The following LRMDA variants were observed in gnomAD, a reference collection of about 807,000 sequenced individuals.
LRMDA encodes the protein leucine-rich melanocyte differentiation-associated protein.
LRMDA carries 18 observed loss-of-function variants against 29.8 expected under a neutral mutation model. The ratio of observed to expected loss-of-function variants is 0.60; its 90% CI spans 0.42 to 0.90. LRMDA has a LOEUF of 0.90. Ranked by LOEUF, LRMDA falls within the 40% of genes least tolerant of loss-of-function variation. LRMDA has a pLI of 0.00. For synonymous variants in LRMDA, 125 were observed against 109.4 expected (o/e 1.14, Z -0.89); for missense variants, 273 against 273.9 (o/e 1.00, Z 0.02).
At chr10:75,577,542 G>A (rs900364894) in intron 2 of LRMDA, among the ~76,000 whole-genome samples, 2 of 152,188 alleles carry the variant, frequency 1.3e-5, no homozygotes, top group South Asian at 4.2e-4. Flanking sequence ...AGAGAACACC[G>A]TGAAGATACT....
chr10:76,027,961 AATGTTATTGTAAATGCT>A (rs1305445649), intron 2 of LRMDA, among the ~76,000 whole-genome samples: 1 of 152,182 alleles, frequency 6.6e-6, no homozygotes, highest in African/African-American at 2.4e-5. Flanking sequence ...GCTTGTTTGC[AATGTTATTGTAAATGCT>A]ATAGTGAACA....
chr10:75,545,118 T>C (rs1840062872), intron 2 of LRMDA, among the ~76,000 whole-genome samples: 1 of 152,190 alleles, frequency 6.6e-6, no homozygotes, highest in Non-Finnish European at 1.5e-5. Context: ...GGGTGGTTGC[T>C]GCTGGTATGT....
intron 2 of LRMDA, among the ~76,000 whole-genome samples, chr10:75,723,859 T>C (rs1842599220): frequency 6.6e-6 from 1 of 152,350 alleles, no homozygotes; most frequent in African/African-American, 2.4e-5. Flanking sequence ...GTTTGTTTAA[T>C]GTTCTGACAA....
intron 5 of LRMDA, among the ~76,000 whole-genome samples, chr10:76,069,236 A>G (rs182909581): frequency 6.6e-6 from 1 of 152,322 alleles, no homozygotes; most frequent in African/African-American, 2.4e-5. Context: ...CAGAAGTGCC[A>G]TTTCACAAGC....
chr10:76,426,544 C>T (rs1254997837), intron 6 of LRMDA, among the ~76,000 whole-genome samples: 3 of 151,856 alleles, frequency 2.0e-5, no homozygotes, highest in Non-Finnish European at 4.4e-5. Context: ...TTCTCCCATT[C>T]TGTAGGTTGC....
chr10:76,043,719 G>A (rs192818316), intron 3 of LRMDA, among the ~76,000 whole-genome samples: 61 of 152,198 alleles, frequency 4.0e-4, no homozygotes, highest in Non-Finnish European at 6.2e-4. Context: ...CTACTTCCCC[G>A]AACATGGTGG....
intron 5 of LRMDA, among the ~76,000 whole-genome samples, chr10:76,201,254 G>T (rs1012546309): frequency 1.3e-5 from 2 of 151,524 alleles, no homozygotes; most frequent in Non-Finnish European, 2.9e-5. Context: ...GCACCACCAC[G>T]CCAGCTAACT....
intron 2 of LRMDA, among the ~76,000 whole-genome samples, chr10:75,780,422 G>C (rs1171160297): frequency 1.3e-5 from 2 of 152,168 alleles, no homozygotes; most frequent in African/African-American, 2.4e-5. Flanking sequence ...ACAGTACCAA[G>C]AGTAAGGGAT....
intron 2 of LRMDA, among the ~76,000 whole-genome samples, chr10:75,725,921 A>G (rs1842626412): frequency 6.6e-6 from 1 of 152,168 alleles, no homozygotes; most frequent in Non-Finnish European, 1.5e-5. Context: ...TCATAAGTTG[A>G]AAAAGAATGT....
chr10:75,962,981 G>C (rs1156624112), intron 2 of LRMDA, among the ~76,000 whole-genome samples: 2 of 152,174 alleles, frequency 1.3e-5, no homozygotes, highest in African/African-American at 4.8e-5. Flanking sequence ...GACTGCTGTG[G>C]GGTTCAGGGA....
At chr10:76,304,045 G>T (rs1387394197) in intron 5 of LRMDA, among the ~76,000 whole-genome samples, 3 of 152,090 alleles carry the variant, frequency 2.0e-5, no homozygotes, top group Admixed American at 6.6e-5. Context: ...TTCCCCTTTG[G>T]TCCCTGGAGG....
chr10:75,942,322 C>T (rs1478616957), intron 2 of LRMDA, among the ~76,000 whole-genome samples: 3 of 152,144 alleles, frequency 2.0e-5, no homozygotes, highest in Non-Finnish European at 4.4e-5. Context: ...CATCTCTTTC[C>T]CAAAGCCTGA....
chr10:76,312,631 C>T (rs7079348), intron 5 of LRMDA, among the ~76,000 whole-genome samples: 5,507 of 152,020 alleles, frequency 0.036, 277 homozygotes, highest in African/African-American at 0.11. Flanking sequence ...AGATATGCCA[C>T]GTGTAGCCTT....
chr10:75,478,908 G>A (rs187727149), intron 2 of LRMDA, among the ~76,000 whole-genome samples: 4 of 152,182 alleles, frequency 2.6e-5, no homozygotes, highest in South Asian at 4.1e-4. Flanking sequence ...CTCACTCCCC[G>A]CCCTGCCATG....
At chr10:76,028,475 C>T (rs1351218497) in intron 2 of LRMDA, among the ~76,000 whole-genome samples, 2 of 152,060 alleles carry the variant, frequency 1.3e-5, no homozygotes, top group African/African-American at 2.4e-5. Context: ...TTACATTAGA[C>T]ACTGTGAAAT....
At chr10:76,201,726 C>T (rs990039370) in intron 5 of LRMDA, among the ~76,000 whole-genome samples, 2 of 152,184 alleles carry the variant, frequency 1.3e-5, no homozygotes, top group Non-Finnish European at 2.9e-5. Context: ...TGGAAATCAA[C>T]CAATAACCTA....
chr10:76,329,763 T>C (rs968304729), intron 6 of LRMDA, among the ~76,000 whole-genome samples: 3 of 152,220 alleles, frequency 2.0e-5, no homozygotes, highest in African/African-American at 7.2e-5. Flanking sequence ...TGCTTAGCAA[T>C]TGATTTTTCT....
At chr10:76,230,733 CAACA>C (rs1399764441) in intron 5 of LRMDA, among the ~76,000 whole-genome samples, 1 of 152,116 alleles carries the variant, frequency 6.6e-6, no homozygotes, top group Non-Finnish European at 1.5e-5. Context: ...TCAATTTCAA[CAACA>C]AAGTGCTGAA....
chr10:75,522,087 TAA>T (rs1387677952), intron 2 of LRMDA, among the ~76,000 whole-genome samples: 4 of 152,176 alleles, frequency 2.6e-5, no homozygotes, highest in African/African-American at 9.7e-5. Context: ...GTGGGAGTAA[TAA>T]AAAGTGATTG....
Sources: gnomAD v4.1 joint callset for allele counts (sites outside exome capture counted in the v4.1 genomes callset) on GRCh38, gnomAD v4.1.1 for gene constraint, MANE v1.5 for transcripts, NCBI Gene and HGNC (gene_info 2026-07-23, HGNC 2026-07-21) for gene names.